DOCK4: variants seen among roughly 807,000 people sequenced by gnomAD.
DOCK4 encodes dedicator of cytokinesis protein 4.
In DOCK4, 97 loss-of-function variants were observed where a neutral mutation model predicts 268.1. The ratio of observed to expected loss-of-function variants is 0.36; its 90% confidence interval spans 0.31 to 0.43. The LOEUF is 0.43. DOCK4 is among the 20% of genes least tolerant of loss of function. The pLI is 1.00. For missense variants in DOCK4, 2,145 were observed against 2,455.7 expected (o/e 0.87, Z 2.67); for synonymous variants, 954 against 887.2 (o/e 1.08, Z -1.34).
At chr7:112,058,490 C>A (rs1031650147) in intron 1 of DOCK4, among the ~76,000 whole-genome samples, 1 of 152,122 alleles carries the variant, frequency 6.6e-6, no homozygotes, top group African/African-American at 2.4e-5. Context: ...CTTTCCAGCC[C>A]TCTCAAATGC....
rs55807955 is a variant in DOCK4, at chr7:112,181,639, C to CAAAAAAAAAAA, written c.37+24452_37+24462dup. ...TGAGCAACAGAGTAAGACACTGTCT[C>CAAAAAAAAAAA]AAAAAAAAAAAAAAAAAAAAGCTTG... On this transcript the variant is annotated intron_variant, in intron 1 of 52. Coordinates refer to ENST00000428084, the MANE Select transcript of DOCK4 (RefSeq NM_001363540.2). 8.0e-3 allele frequency among the ~76,000 whole-genome samples: 524 copies of CAAAAAAAAAAA among 65,266 alleles called. 47 individuals carry two copies. Among genetic ancestry groups the CAAAAAAAAAAA allele is most frequent in the African/African-American group, 0.027 (396 of 14,694 alleles). 42.8% of individuals were successfully genotyped at this position (65,266 alleles called of 152,430 possible). A position where few individuals can be genotyped will look rare whatever the true frequency, so the allele number is the denominator to read the frequency against.
At chr7:111,836,913 A>C (rs1194306228) in intron 25 of DOCK4, among the ~76,000 whole-genome samples, 1 of 152,150 alleles carries the variant, frequency 6.6e-6, no homozygotes, top group African/African-American at 2.4e-5. Flanking sequence ...AAGTAGCAGA[A>C]TATCTATGTA....
chr7:111,728,891 G>T (rs767728128), intron 52 of DOCK4, among the ~76,000 whole-genome samples, 171 bp from the exon 53 acceptor site: 18 of 152,144 alleles, frequency 1.2e-4, no homozygotes, highest in Non-Finnish European at 2.2e-4. Flanking sequence ...CCATTATGGT[G>T]GATCCTAATC....
chr7:112,204,884 C>CACAG (rs1821249260), intron 1 of DOCK4, among the ~76,000 whole-genome samples: 1 of 105,180 alleles, frequency 9.5e-6, no homozygotes, highest in East Asian at 2.0e-4. Flanking sequence ...AATTTTAAAA[C>CACAG]ACACACACAC....
chr7:111,743,401 G>A (rs536686547), intron 44 of DOCK4, among the ~76,000 whole-genome samples: 136 of 152,320 alleles, frequency 8.9e-4, no homozygotes, highest in Non-Finnish European at 1.0e-3. Context: ...CCTAAGGGAC[G>A]GGGCTCTGGA....
intron 30 of DOCK4, among the ~76,000 whole-genome samples, chr7:111,793,758 G>A (rs1271924625): frequency 1.3e-5 from 2 of 152,208 alleles, no homozygotes; most frequent in East Asian, 3.8e-4. Context: ...TTCAACGCCT[G>A]CAGTCCCAGC....
At chr7:111,872,631 G>T in intron 17 of DOCK4, 67 bp from the exon 18 acceptor site, 3 of 1,325,962 alleles carry the variant, frequency 2.3e-6, no homozygotes, top group Non-Finnish European at 2.0e-6. Flanking sequence ...AAAGCGTTCT[G>T]CTAGTAAAAG....
intron 16 of DOCK4, among the ~76,000 whole-genome samples, chr7:111,892,357 C>G (rs1041817251): frequency 1.3e-5 from 2 of 152,142 alleles, no homozygotes; most frequent in African/African-American, 2.4e-5. Context: ...CCCATGACCA[C>G]GCTGGACTAA....
At chr7:112,046,745 G>C (rs1297774962) in intron 1 of DOCK4, among the ~76,000 whole-genome samples, 1 of 152,188 alleles carries the variant, frequency 6.6e-6, no homozygotes, top group Non-Finnish European at 1.5e-5. Context: ...TGTTCCTTGA[G>C]AGAGGGGCTA....
chr7:112,161,431 T>C (rs771422677), intron 1 of DOCK4, among the ~76,000 whole-genome samples: 1 of 152,198 alleles, frequency 6.6e-6, no homozygotes, highest in Admixed American at 6.5e-5. Flanking sequence ...ATGTCTGGCA[T>C]GGAAAACCTA....
At chr7:112,197,080 G>A (rs373799641) in intron 1 of DOCK4, among the ~76,000 whole-genome samples, 1 of 152,004 alleles carries the variant, frequency 6.6e-6, no homozygotes, top group South Asian at 2.1e-4. Context: ...GCCAACAGAC[G>A]TTCTGTCAGA....
intron 1 of DOCK4, among the ~76,000 whole-genome samples, chr7:112,156,881 C>A (rs374228737): frequency 2.1e-4 from 32 of 152,124 alleles, no homozygotes; most frequent in African/African-American, 7.7e-4. Context: ...AATAAAATAT[C>A]ATGTAGCTAT....
intron 1 of DOCK4, among the ~76,000 whole-genome samples, chr7:112,146,000 G>T (rs1310283898): frequency 6.6e-6 from 1 of 152,182 alleles, no homozygotes; most frequent in Admixed American, 6.6e-5. Flanking sequence ...CACTGGAAGA[G>T]ATAATATTCT....
intron 23 of DOCK4, among the ~76,000 whole-genome samples, chr7:111,855,293 C>T (rs1394604158): frequency 6.6e-6 from 1 of 152,064 alleles, no homozygotes; most frequent in Non-Finnish European, 1.5e-5. Flanking sequence ...ACAGAGGCAG[C>T]TCAGAGCAAG....
intron 1 of DOCK4, among the ~76,000 whole-genome samples, chr7:112,108,515 CTTA>C (rs1382709848): frequency 6.6e-6 from 1 of 152,178 alleles, no homozygotes; most frequent in South Asian, 2.1e-4. Flanking sequence ...TACACTACTT[CTTA>C]TTAGACCACT....
chr7:112,000,133 TG>T (rs35534914), intron 3 of DOCK4, among the ~76,000 whole-genome samples: 1 of 152,130 alleles, frequency 6.6e-6, no homozygotes, highest in Non-Finnish European at 1.5e-5. Context: ...AATGATACCA[TG>T]GAAAACATAA....
chr7:112,023,577 A>C, intron 1 of DOCK4: 1 of 433,514 alleles, frequency 2.3e-6, no homozygotes, highest in Middle Eastern at 3.4e-4. Flanking sequence ...ATTTTAGGTT[A>C]TTAGCCTTTC....
chr7:112,058,024 A>ATTTT lies in DOCK4; in HGVS notation c.38-53897_38-53894dup, dbSNP rs67991598. Among the ~76,000 whole-genome samples, 141 of 115,048 alleles carry ATTTT rather than the reference A, an allele frequency of 1.2e-3. 5 individuals carry two copies. The highest frequency in any genetic ancestry group is 4.2e-3 in the African/African-American group (131 of 31,288). 75.5% of individuals were successfully genotyped at this position (115,048 alleles called of 152,430 possible). On this transcript the variant is annotated intron_variant, in intron 1 of 52. Coordinates refer to ENST00000428084, the MANE Select transcript of DOCK4 (RefSeq NM_001363540.2). ...TACACATTTTGGAAGTACAGGTTCA[A>ATTTT]TTTTTTTTTTTTTTTTTTTTTTTTT...
At chr7:112,082,681 A>C (rs184191558) in intron 1 of DOCK4, among the ~76,000 whole-genome samples, 30 of 152,270 alleles carry the variant, frequency 2.0e-4, no homozygotes, top group African/African-American at 7.2e-4. Flanking sequence ...CTCTCTCCTC[A>C]GATTACATTA....
Sources: allele counts gnomAD v4.1 joint callset (sites outside exome capture counted in the v4.1 genomes callset), GRCh38; gene constraint gnomAD v4.1.1; transcripts MANE v1.5; gene names NCBI Gene and HGNC (gene_info 2026-07-23, HGNC 2026-07-21).